The following CSMD1 variants were observed in gnomAD, a reference collection of about 807,000 sequenced individuals.
CSMD1 encodes the protein CUB and sushi domain-containing protein 1.
A neutral mutation model predicts 417.5 loss-of-function variants in CSMD1; 213 were observed. The ratio of observed to expected loss-of-function variants is 0.51; its 90% CI spans 0.46 to 0.57. CSMD1 has a LOEUF of 0.57. CSMD1 is among the 20% of genes least tolerant of loss of function. CSMD1 has a pLI of 0.00. For synonymous variants in CSMD1, 2,862 were observed against 1,736.8 expected, an observed-to-expected ratio of 1.65 and a Z score of -16.11; for missense variants, 6,923 against 4,529.7, an observed-to-expected ratio of 1.53 and a Z score of -15.17.
At chr8:4,795,698 C>T (rs558217023) in intron 1 of CSMD1, among the ~76,000 whole-genome samples, 3 of 152,146 alleles carry the variant, frequency 2.0e-5, no homozygotes, top group East Asian at 1.9e-4. Context: ...AACTGGGATC[C>T]GCAGATCCAG....
chr8:3,549,071 C>T (rs1463947085), intron 10 of CSMD1, among the ~76,000 whole-genome samples: 2 of 152,196 alleles, frequency 1.3e-5, no homozygotes, highest in African/African-American at 2.4e-5. Context: ...CCCCACTTCC[C>T]TCTGCTGAAG....
At chr8:4,545,308 G>T (rs372060360) in intron 2 of CSMD1, among the ~76,000 whole-genome samples, 1 of 152,178 alleles carries the variant, frequency 6.6e-6, no homozygotes, top group Non-Finnish European at 1.5e-5. Context: ...TGACTCAACA[G>T]TTTCTAACAC....
intron 26 of CSMD1, among the ~76,000 whole-genome samples, chr8:3,241,223 A>G (rs950415200): frequency 6.6e-6 from 1 of 151,264 alleles, no homozygotes; most frequent in African/African-American, 2.4e-5. Context: ...ATAACTAAAA[A>G]GGAGTGCTTA....
chr8:4,783,537 A>G (rs936217340), intron 1 of CSMD1, among the ~76,000 whole-genome samples: 1 of 152,206 alleles, frequency 6.6e-6, no homozygotes, highest in African/African-American at 2.4e-5. Flanking sequence ...TGCAAATTAC[A>G]TGGCTTTCCC....
chr8:4,403,488 C>A (rs1337811101), intron 3 of CSMD1, among the ~76,000 whole-genome samples: 1 of 152,110 alleles, frequency 6.6e-6, no homozygotes, highest in Non-Finnish European at 1.5e-5. Context: ...ATGGTGAAAT[C>A]CAGTGAAAAA....
intron 3 of CSMD1, among the ~76,000 whole-genome samples, chr8:4,166,460 C>G (rs946036258): frequency 6.6e-6 from 1 of 152,064 alleles, no homozygotes; most frequent in Admixed American, 6.5e-5. Context: ...TTGCAGCAAC[C>G]TGGATGAAGT....
chr8:3,868,019 C>A (rs1458200643), intron 5 of CSMD1, among the ~76,000 whole-genome samples: 2 of 152,162 alleles, frequency 1.3e-5, no homozygotes, highest in East Asian at 3.9e-4. Context: ...CCTTCCTTCT[C>A]CAATCCTGAT....
rs550776294 is a variant in CSMD1, at chr8:4,105,022, A to T, written c.416-72923T>A. On this transcript the variant is annotated intron_variant, in intron 3 of 69. Coordinates refer to ENST00000635120, the MANE Select transcript of CSMD1 (RefSeq NM_033225.6). ...AAAAAGCAATTCAATTAAAAACTAC[A>T]TTATAGAAATGCTAAGGGCCTAATT... is the stretch of plus-strand genomic sequence containing the variant. Among the ~76,000 whole-genome samples, 91 of 152,328 alleles carry T rather than the reference A, an allele frequency of 6.0e-4. 1 individual carries two copies. The highest frequency in any genetic ancestry group is 2.1e-3 in the African/African-American group (88 of 41,580).
intron 5 of CSMD1, among the ~76,000 whole-genome samples, chr8:3,806,270 C>A (rs912763773): frequency 2.0e-5 from 3 of 152,052 alleles, no homozygotes; most frequent in African/African-American, 7.2e-5. Context: ...GATGGAAGGC[C>A]TAGTTTTCAT....
rs79932576 is a variant in CSMD1 at position 4,370,213 on chromosome 8, G to A, written c.415+49740C>T. 8.2e-3 allele frequency among the ~76,000 whole-genome samples: 1,255 copies of A among 152,162 alleles called. 15 individuals carry two copies. Among genetic ancestry groups the A allele is most frequent in the African/African-American group, 0.028 (1,162 of 41,508 alleles). ...TCCTTTGCTTATGAAGGTTAGTTTG[G>A]TGAGATACGAAATTCTTGTTTGGAA... On this transcript the variant is annotated intron_variant, in intron 3 of 69. Transcript: ENST00000635120.
At chr8:4,293,408 C>G (rs1255926959) in intron 3 of CSMD1, among the ~76,000 whole-genome samples, 1 of 152,164 alleles carries the variant, frequency 6.6e-6, no homozygotes, top group Non-Finnish European at 1.5e-5. Context: ...GCATTATTAA[C>G]CAAAGCTACG....
chr8:3,285,638 A>T (rs1388663054), intron 25 of CSMD1, among the ~76,000 whole-genome samples: 1 of 151,982 alleles, frequency 6.6e-6, no homozygotes, highest in East Asian at 1.9e-4. Context: ...ACCTCAGGTG[A>T]TCCACCTGCC....
intron 12 of CSMD1, among the ~76,000 whole-genome samples, chr8:3,416,302 CAAAAAAAA>C (rs11358404): frequency 8.5e-5 from 5 of 58,894 alleles, no homozygotes; most frequent in African/African-American, 3.4e-4. Context: ...GACTCCGTCT[CAAAAAAAA>C]AAAAAAAAAA....
chr8:3,454,565 C>A (rs199608041), intron 12 of CSMD1, among the ~76,000 whole-genome samples: 1 of 152,268 alleles, frequency 6.6e-6, no homozygotes, highest in East Asian at 1.9e-4. Context: ...TTCTCCTTCA[C>A]TTAAGAAACT....
intron 26 of CSMD1, among the ~76,000 whole-genome samples, chr8:3,246,511 ACC>A (rs1799889970): frequency 6.6e-6 from 1 of 151,530 alleles, no homozygotes; most frequent in Non-Finnish European, 1.5e-5. Flanking sequence ...TCACTCTGTC[ACC>A]CAGGCTGGTG....
chr8:4,410,443 G>T (rs901344429), intron 3 of CSMD1, among the ~76,000 whole-genome samples: 2 of 152,108 alleles, frequency 1.3e-5, no homozygotes, highest in African/African-American at 4.8e-5. Context: ...CTAGCGTCCA[G>T]ATAGTATATA....
intron 3 of CSMD1, among the ~76,000 whole-genome samples, chr8:4,325,380 C>T (rs528774133): frequency 6.6e-6 from 1 of 152,104 alleles, no homozygotes; most frequent in Non-Finnish European, 1.5e-5. Context: ...AAGAGACAGA[C>T]CTCCAAATCC....
intron 67 of CSMD1, 99 bp downstream of exon 67, chr8:2,950,132 C>G (rs1802525613): frequency 1.3e-6 from 1 of 751,750 alleles, no homozygotes; most frequent in South Asian, 1.7e-5. Context: ...AGACACAAGA[C>G]AGCTCTACTC....
Position 3,506,413 on chromosome 8 carries a change from A to G in CSMD1, c.1345-12687T>C, listed in dbSNP as rs978279130. 1.6e-4 allele frequency among the ~76,000 whole-genome samples: 24 copies of G among 152,214 alleles called. No homozygotes were observed. In the East Asian group the frequency reaches 2.5e-3, roughly 16 times the overall value. ...AACACGTTTTTACACATGTGTAGAG[A>G]GGAGAAGGTGCCGAATGGGTAAGTA... On this transcript the variant is annotated intron_variant, in intron 10 of 69. Transcript: ENST00000635120.
Sources: allele counts gnomAD v4.1 joint callset (sites outside exome capture counted in the v4.1 genomes callset), GRCh38; gene constraint gnomAD v4.1.1; transcripts MANE v1.5; gene names NCBI Gene and HGNC (gene_info 2026-07-23, HGNC 2026-07-21).